Variants in BTBD2 observed in about 807,000 individuals in gnomAD.
The protein encoded by BTBD2 is BTB/POZ domain-containing protein 2.
A neutral mutation model predicts 44.0 loss-of-function variants in BTBD2; 15 were observed. The ratio of observed to expected loss-of-function variants is 0.34; its 90% CI spans 0.23 to 0.53. BTBD2 has a LOEUF of 0.53. Ranked by LOEUF, BTBD2 falls within the 20% of genes least tolerant of loss-of-function variation. The probability of loss-of-function intolerance (pLI) is 0.95; values close to 1 mark genes in which losing one functional copy is unlikely to be tolerated. For missense variants in BTBD2, 657 were observed against 746.4 expected, an observed-to-expected ratio of 0.88 and a Z score of 1.39; for synonymous variants, 443 against 335.9, an observed-to-expected ratio of 1.32 and a Z score of -3.49.
At chr19:1,987,918 C>G (rs2016115742) in intron 5 of BTBD2, 1 of 558,402 alleles carries the variant, frequency 1.8e-6, no homozygotes, top group Non-Finnish European at 3.2e-6. Flanking sequence ...TACGCTCACT[C>G]AGGGGCGATG....
intron 1 of BTBD2, among the ~76,000 whole-genome samples, chr19:2,007,250 G>A (rs1030052775): frequency 2.6e-5 from 4 of 152,102 alleles, no homozygotes; most frequent in Non-Finnish European, 5.9e-5. Context: ...CTCGGCCTCC[G>A]AAAGTGCCAG....
chr19:2,009,409 A>T (rs1411920206), intron 1 of BTBD2, among the ~76,000 whole-genome samples: 1 of 151,622 alleles, frequency 6.6e-6, no homozygotes, highest in Non-Finnish European at 1.5e-5. Flanking sequence ...CATGTTGTCC[A>T]GGCTGGTCTC....
intron 5 of BTBD2, chr19:1,988,045 C>A (rs554880626): frequency 8.1e-6 from 2 of 248,038 alleles, no homozygotes; most frequent in Non-Finnish European, 1.6e-5. Context: ...TGCCTGTTCT[C>A]TCAGGGCCAT....
intron 5 of BTBD2, chr19:1,988,021 G>GC: frequency 3.4e-6 from 1 of 295,498 alleles, no homozygotes; most frequent in South Asian, 5.8e-5. Flanking sequence ...GTGGGTGGGG[G>GC]CGGGGGGCTC....
At chr19:1,995,546 T>C (rs895845823) in intron 2 of BTBD2, among the ~76,000 whole-genome samples, 5 of 151,960 alleles carry the variant, frequency 3.3e-5, no homozygotes, top group African/African-American at 4.8e-5. Context: ...CCTCCCAAAG[T>C]GCTGGGATTA....
chr19:2,010,918 G>A (rs915016706), intron 1 of BTBD2, among the ~76,000 whole-genome samples: 4 of 152,170 alleles, frequency 2.6e-5, no homozygotes, highest in Non-Finnish European at 5.9e-5. Context: ...GATGATAGGC[G>A]TGAGCCACTG....
intron 1 of BTBD2, among the ~76,000 whole-genome samples, chr19:2,010,327 G>C (rs2016448205): frequency 6.6e-6 from 1 of 152,166 alleles, no homozygotes; most frequent in African/African-American, 2.4e-5. Flanking sequence ...CTGTGTGCCA[G>C]GCTCCAGCGC....
chr19:1,987,559 G>A lies in BTBD2; in HGVS notation c.1122C>T (p.Ile374=), dbSNP rs1384861132. 6.2e-7 allele frequency: 1 copy of A among 1,611,718 alleles called. No individual in the cohort carries two copies. The highest frequency in any genetic ancestry group is 8.5e-7 in the Non-Finnish European group (1 of 1,179,318). ...GACTCTCCACCTGCTGGAAGCGGTT[G>A]ATGCTGCACTCCTTCCCACGCAGGC... ...RCCLRGKECS[I]NRFQQVESRW... Residue 374 remains isoleucine (I), a synonymous_variant, in exon 6 of 9, where the codon ATC becomes ATT. Transcript: ENST00000255608.
At chr19:2,000,065 G>C (rs1044267280) in intron 1 of BTBD2, among the ~76,000 whole-genome samples, 2 of 152,190 alleles carry the variant, frequency 1.3e-5, no homozygotes, top group African/African-American at 4.8e-5. Context: ...AGGACGTCTG[G>C]AGTCCCCAGA....
intron 2 of BTBD2, among the ~76,000 whole-genome samples, chr19:1,994,039 C>T (rs1467423042): frequency 3.3e-5 from 4 of 121,914 alleles, no homozygotes; most frequent in Non-Finnish European, 3.5e-5. Context: ...CAGCACAGGC[C>T]GGCCTGGTGG....
intron 4 of BTBD2, chr19:1,990,446 G>T: frequency 1.6e-6 from 1 of 613,204 alleles, no homozygotes; most frequent in Non-Finnish European, 2.9e-6. Flanking sequence ...TTTGACAAAA[G>T]CTGTTCAACA....
In BTBD2 at chr19:1,986,199, G is replaced by A. The variant is rs145921268; in HGVS notation, c.*289C>T. ...GGCAGGCGCCCTGAGCTGCGGGTCC[G>A]TGGGCCCTGGCCCAGGCCGGCACAG... is the stretch of plus-strand genomic sequence containing the variant. On this transcript the variant is annotated 3_prime_UTR_variant, in exon 9 of 9. Transcript: ENST00000255608. The A allele has an allele frequency of 0.022, 9,045 of 409,100 alleles. 149 individuals carry two copies. Among genetic ancestry groups the A allele is most frequent in the Non-Finnish European group, 0.029 (6,624 of 225,638 alleles). The allele number at this position is 409,100 out of a possible 1,614,324, so 25.3% of individuals were successfully genotyped here.
chr19:1,993,053 C>T lies in BTBD2; in HGVS notation c.651G>A (p.Leu217=). The change falls in exon 3 of 9, where the codon CTG becomes CTA. Residue 217 remains leucine (L), a synonymous_variant. Coordinates refer to ENST00000255608, the MANE Select transcript of BTBD2 (RefSeq NM_017797.4). ...AHCVEFLKKN[L]RADNAFMLLT... is the part of the protein sequence containing the mutation. ...GCAGCATGAAGGCGTTGTCGGCTCG[C>T]AGGTTCTTCTTCAGGAACTCCACGC... The T allele has an allele frequency of 3.1e-6, 5 of 1,603,892 alleles. No homozygotes were observed. The highest frequency in any genetic ancestry group is 4.2e-6 in the Non-Finnish European group (5 of 1,178,984).
At chr19:2,013,199 C>T (rs1010419444) in intron 1 of BTBD2, among the ~76,000 whole-genome samples, 9 of 152,250 alleles carry the variant, frequency 5.9e-5, no homozygotes, top group Non-Finnish European at 1.2e-4. Context: ...CAAAAGCACC[C>T]GAAGGTCAGA....
chr19:1,986,495 T>C lies in BTBD2; in HGVS notation c.1571A>G (p.Tyr524Cys). 1.2e-6 allele frequency: 2 copies of C among 1,613,682 alleles called. No homozygotes were observed. Among genetic ancestry groups the C allele is most frequent in the Non-Finnish European group, 1.7e-6 (2 of 1,179,814 alleles). The change falls in exon 9 of 9, where the codon TAC (tyrosine) becomes TGC (cysteine). Residue 524 changes from tyrosine to cysteine, a missense_variant. Tyr to Cys is a radical substitution (Grantham distance 194). This residue lies in a region of BTBD2 where 449 missense variants were observed against 510.9 expected (regional missense o/e 0.88). Coordinates refer to ENST00000255608, the MANE Select transcript of BTBD2 (RefSeq NM_017797.4). ...GTGTCGGTGTCGGGCAGCCTAGGTGTAGAAGATGACCTCGGGGATCTGGCC... is the reference window on the plus strand; with the variant it reads ...GTGTCGGTGTCGGGCAGCCTAGGTGCAGAAGATGACCTCGGGGATCTGGCC... Reference protein sequence around the residue: ...EDGQIPEVIFYT With the variant: ...EDGQIPEVIFCT
rs2016165418 is a variant in BTBD2 at position 1,990,778 on chromosome 19, C to T, written c.729G>A (p.Glu243=). The T allele has an allele frequency of 6.3e-7, 1 of 1,599,652 alleles. No individual in the cohort carries two copies. Among genetic ancestry groups the T allele is most frequent in the East Asian group, 2.3e-5 (1 of 43,876 alleles). The change falls in exon 4 of 9, where the codon GAG becomes GAA. Residue 243 remains glutamate, a synonymous_variant. Coordinates refer to ENST00000255608, the MANE Select transcript of BTBD2 (RefSeq NM_017797.4). ...DEPQLASLCL[E]NIDKNTADAI... ...CGTCTGCAGTGTTTTTGTCGATGTTCTCCAGGCACAGGCTGGCCAGCTGCG... is the reference window on the plus strand; with the variant it reads ...CGTCTGCAGTGTTTTTGTCGATGTTTTCCAGGCACAGGCTGGCCAGCTGCG...
intron 1 of BTBD2, chr19:2,013,535 A>C: frequency 2.0e-6 from 2 of 986,428 alleles, no homozygotes; most frequent in Non-Finnish European, 2.4e-6. Flanking sequence ...AGCAGGGCCC[A>C]GGGGAGACAA....
At chr19:2,008,831 A>G (rs2016427234) in intron 1 of BTBD2, among the ~76,000 whole-genome samples, 1 of 151,878 alleles carries the variant, frequency 6.6e-6, no homozygotes, top group Non-Finnish European at 1.5e-5. Context: ...TCAGCCTCCC[A>G]AAGTGCTGGG....
At chr19:1,993,267 G>C (rs182385856) in intron 2 of BTBD2, 91 bp from the exon 3 acceptor site, 1 of 1,450,828 alleles carries the variant, frequency 6.9e-7, no homozygotes, top group Non-Finnish European at 9.1e-7. Flanking sequence ...CGTTAGACTC[G>C]GCCACCGGCC....
Sources: gnomAD v4.1 joint callset for allele counts (sites outside exome capture counted in the v4.1 genomes callset) on GRCh38, gnomAD v4.1.1 for gene constraint, gnomAD v4.1.1 regional missense constraint, MANE v1.5 for transcripts, NCBI Gene and HGNC (gene_info 2026-07-23, HGNC 2026-07-21) for gene names.